Variants in THPO observed in about 807,000 individuals in gnomAD.
THPO encodes the protein thrombopoietin, also known as MPL ligand.
A neutral mutation model predicts 17.0 loss-of-function variants in THPO; 12 were observed. That is an observed-to-expected ratio of 0.71 (90% CI 0.45 to 1.14). The LOEUF (loss-of-function observed/expected upper bound fraction) is 1.14. Among genes scored for constraint, THPO ranks in the 50% most tolerant of loss-of-function variants. The pLI, the probability that THPO is intolerant of heterozygous loss-of-function variation, is 0.00. For missense variants in THPO, 365 were observed against 427.5 expected (o/e 0.85, Z 1.29); for synonymous variants, 188 against 183.0 (o/e 1.03, Z -0.22).
Position 184,376,376 on chromosome 3 carries a change from A to C in THPO, c.-117T>G. The C allele has an allele frequency of 6.2e-7, 1 of 1,610,268 alleles. No homozygotes were observed. Among genetic ancestry groups the C allele is most frequent in the Non-Finnish European group, 8.5e-7 (1 of 1,178,934 alleles). On this transcript the variant is annotated 5_prime_UTR_variant, in exon 2 of 6. Coordinates refer to ENST00000647395, the MANE Select transcript of THPO (RefSeq NM_000460.4). Reference sequence around the variant, plus strand: ...ACTTCTGGGCAGAGTAGGGTGGGGCAAAGGCGGGCCAAGGGTGAAGAATCT... The same window carrying C: ...ACTTCTGGGCAGAGTAGGGTGGGGCCAAGGCGGGCCAAGGGTGAAGAATCT...
rs745621324 is a variant in THPO, at chr3:184,372,951, A to G, written c.624T>C (p.Thr208=). Residue 208 remains threonine, a synonymous_variant, in exon 6 of 6, where the codon ACT becomes ACC. Transcript: ENST00000647395. ...CAGAGCCAGTAGTTCTGGCTGAGGC[A>G]GTGAAGTTTGTCTCCAACAATCCAG... The part of the protein sequence containing the change: ...RTSGLLETNF[T]ASARTTGSGL... 3 of 1,614,084 alleles carry G rather than the reference A, an allele frequency of 1.9e-6. No homozygotes were observed. Among genetic ancestry groups the G allele is most frequent in the Non-Finnish European group, 1.7e-6 (2 of 1,180,034 alleles).
At chr3:184,377,066 A>G (rs1714477074) in intron 1 of THPO, among the ~76,000 whole-genome samples, 1 of 152,102 alleles carries the variant, frequency 6.6e-6, no homozygotes, top group African/African-American at 2.4e-5. Context: ...GGGATAGAGA[A>G]GGAAAGTATT....
intron 4 of THPO, among the ~76,000 whole-genome samples, chr3:184,375,202 T>C (rs549330884): frequency 6.6e-6 from 1 of 152,346 alleles, no homozygotes; most frequent in African/African-American, 2.4e-5. Flanking sequence ...GTGTCATCTG[T>C]GGATGACATA....
intron 1 of THPO, 78 bp from the exon 2 acceptor site, chr3:184,376,482 G>C: frequency 2.9e-6 from 4 of 1,402,792 alleles, no homozygotes; most frequent in Non-Finnish European, 3.7e-6. Flanking sequence ...AGATGCTGGG[G>C]AGGGCTTGAG....
rs2108622394 is a variant in THPO, at chr3:184,375,446, A to C, written c.228+69T>G. The C allele has an allele frequency of 2.0e-6, 3 of 1,492,022 alleles. No homozygotes were observed. The South Asian group carries it at 3.4e-5, about 17-fold the overall frequency. The allele number at this position is 1,492,022 out of a possible 1,614,324, so 92.4% of individuals were successfully genotyped here. A position where few individuals can be genotyped will look rare whatever the true frequency, so the allele number is the denominator to read the frequency against. Reference sequence around the variant, plus strand: ...TTAAAAAGCTCAAGAATGTTGGAGAATCCATGGGAAGCAGTGGGAAACTGA... The same window carrying C: ...TTAAAAAGCTCAAGAATGTTGGAGACTCCATGGGAAGCAGTGGGAAACTGA... On this transcript the variant is annotated intron_variant, in intron 4 of 5. Transcript: ENST00000647395.
intron 3 of THPO, 76 bp from the exon 4 acceptor site, chr3:184,375,677 C>G: frequency 6.7e-7 from 1 of 1,486,150 alleles, no homozygotes; most frequent in Non-Finnish European, 9.4e-7. Context: ...GCAGGCTAGT[C>G]CTCCATGAGT....
chr3:184,376,101 C>A, intron 2 of THPO, 86 bp from the exon 3 acceptor site: 1 of 1,613,060 alleles, frequency 6.2e-7, no homozygotes, highest in South Asian at 1.1e-5. Flanking sequence ...GGACCCAGAC[C>A]TGAAACCCAG....
At chr3:184,375,125 A>G (rs115628241) in intron 4 of THPO, among the ~76,000 whole-genome samples, 3,507 of 152,138 alleles carry the variant, frequency 0.023, 125 homozygotes, top group African/African-American at 0.079. Context: ...CTTGTTTTTG[A>G]CCTAGTCTTT....
chr3:184,378,284 G>A (rs1355934815), upstream of THPO: 51 of 985,532 alleles, frequency 5.2e-5, no homozygotes, highest in Non-Finnish European at 6.1e-5. Context: ...TGGAGCCCCT[G>A]CCTGGACCAG....
chr3:184,376,063 C>A, intron 2 of THPO, 48 bp from the exon 3 acceptor site: 1 of 1,613,694 alleles, frequency 6.2e-7, no homozygotes, highest in Non-Finnish European at 8.5e-7. Context: ...AAATCATTGT[C>A]AGCTGGTATT....
intron 1 of THPO, among the ~76,000 whole-genome samples, chr3:184,377,208 G>T (rs1446369460): frequency 6.6e-6 from 1 of 152,094 alleles, no homozygotes; most frequent in Non-Finnish European, 1.5e-5. Flanking sequence ...ACTGCACAAA[G>T]CTGTAACTGG....
upstream of THPO, chr3:184,378,398 A>C (rs1383444236): frequency 1.0e-6 from 1 of 985,380 alleles, no homozygotes; most frequent in African/African-American, 1.7e-5. Flanking sequence ...ACAGGAGCAG[A>C]AGTTTTTTTC....
chr3:184,376,336 G>T lies in THPO; in HGVS notation c.-77C>A. On this transcript the variant is annotated 5_prime_UTR_variant, in exon 2 of 6. Transcript: ENST00000647395. ...GAATCCTTCCTGGGGCCATGGAGGCGGCTTAGGCTCTTGCACTTCTGGGCA... is the reference window on the plus strand; with the variant it reads ...GAATCCTTCCTGGGGCCATGGAGGCTGCTTAGGCTCTTGCACTTCTGGGCA... The T allele has an allele frequency of 6.2e-7, 1 of 1,614,062 alleles. No homozygotes were observed. The highest frequency in any genetic ancestry group is 1.1e-5 in the South Asian group (1 of 91,084).
intron 1 of THPO, 119 bp from the exon 2 acceptor site, chr3:184,376,523 T>A: frequency 8.9e-7 from 1 of 1,118,846 alleles, no homozygotes; most frequent in Non-Finnish European, 1.2e-6. Context: ...GCCAAAGCCC[T>A]GAATTCTCTC....
upstream of THPO, among the ~76,000 whole-genome samples, chr3:184,379,673 C>T (rs1714841004): frequency 1.3e-5 from 2 of 152,162 alleles, no homozygotes; most frequent in African/African-American, 4.8e-5. Context: ...CGGTCCAGGC[C>T]TCAGGCCTAG....
chr3:184,378,790 A>G (rs885838), upstream of THPO: 489,357 of 984,546 alleles, frequency 0.5, 122,432 homozygotes, highest in Admixed American at 0.6. Context: ...CCAGTGGCTT[A>G]GATGGCTACA....
chr3:184,375,300 A>G (rs1242823685), intron 4 of THPO, among the ~76,000 whole-genome samples: 1 of 152,206 alleles, frequency 6.6e-6, no homozygotes, highest in Non-Finnish European at 1.5e-5. Flanking sequence ...CCAGCTTTTC[A>G]TGGTGTTCAG....
At chr3:184,376,137 T>C in intron 2 of THPO, 110 bp downstream of exon 2, 1 of 1,612,178 alleles carries the variant, frequency 6.2e-7, no homozygotes, top group Non-Finnish European at 8.5e-7. Flanking sequence ...GACCCCTTAT[T>C]TTTGGGAGAA....
At chr3:184,378,296 G>T (rs1314666406), upstream of THPO, 4 of 985,412 alleles carry the variant, frequency 4.1e-6, no homozygotes, top group Non-Finnish European at 4.8e-6. Flanking sequence ...CTGGACCAGG[G>T]TCCACTCCTC....
Sources: allele counts gnomAD v4.1 joint callset (sites outside exome capture counted in the v4.1 genomes callset), GRCh38; gene constraint gnomAD v4.1.1; transcripts MANE v1.5; gene names NCBI Gene and HGNC (gene_info 2026-07-23, HGNC 2026-07-21).